Variants in SAMD4A observed in about 807,000 individuals in gnomAD.
SAMD4A encodes the protein sterile alpha motif domain containing 4A.
In SAMD4A, 33 loss-of-function variants were observed where a neutral mutation model predicts 81.3. That is an observed-to-expected ratio of 0.41 (90% CI 0.31 to 0.54). The LOEUF (loss-of-function observed/expected upper bound fraction) is 0.54, where lower values mean the gene tolerates loss of function less well. SAMD4A is among the 20% of genes least tolerant of loss of function. The pLI is 0.37. For synonymous variants in SAMD4A, 389 were observed against 382.1 expected, an observed-to-expected ratio of 1.02 and a Z score of -0.21; for missense variants, 854 against 951.1, an observed-to-expected ratio of 0.90 and a Z score of 1.34.
intron 2 of SAMD4A, among the ~76,000 whole-genome samples, chr14:54,689,431 C>T (rs551532257): frequency 1.3e-5 from 2 of 152,222 alleles, no homozygotes; most frequent in South Asian, 2.1e-4. Context: ...TGGTCCCATG[C>T]TTTACAAAGA....
At chr14:54,780,080 A>T (rs1188031174) in intron 11 of SAMD4A, among the ~76,000 whole-genome samples, 1 of 152,188 alleles carries the variant, frequency 6.6e-6, no homozygotes, top group Non-Finnish European at 1.5e-5. Context: ...GTAGGAGATC[A>T]TGGAGGTTCT....
chr14:54,718,691 C>G (rs1286884826), intron 3 of SAMD4A, among the ~76,000 whole-genome samples: 1 of 152,056 alleles, frequency 6.6e-6, no homozygotes. Flanking sequence ...GAAGCATGTC[C>G]TGGAGAGTTC....
Position 54,764,476 on chromosome 14 carries a change from C to T in SAMD4A, c.1532C>T (p.Ser511Phe), listed in dbSNP as rs2038485194. 2.5e-6 allele frequency: 4 copies of T among 1,611,700 alleles called. No homozygotes were observed. Among genetic ancestry groups the T allele is most frequent in the Non-Finnish European group, 3.4e-6 (4 of 1,178,414 alleles). The change falls in exon 8 of 13, where the codon TCC (serine) becomes TTC (phenylalanine). Residue 511 changes from serine to phenylalanine, a missense_variant. Transcript: ENST00000554335. ...MGKVCTQLLV[S>F]RPDEENISSY... ...ACAGTGTGCACACAGCTCTTGGTCT[C>T]CAGACCTGATGAGGAAAATATAAGT...
intron 2 of SAMD4A, among the ~76,000 whole-genome samples, chr14:54,586,604 A>G (rs762424173): frequency 6.6e-6 from 1 of 152,160 alleles, no homozygotes; most frequent in Non-Finnish European, 1.5e-5. Context: ...ATTTTTGTAT[A>G]AGGTGAGAGA....
chr14:54,626,062 G>GCGCA (rs1555337639), intron 2 of SAMD4A, among the ~76,000 whole-genome samples: 1 of 94,894 alleles, frequency 1.1e-5, no homozygotes, highest in Non-Finnish European at 2.3e-5. Flanking sequence ...GTGTGTGTGC[G>GCGCA]CGCGCGCGCG....
chr14:54,695,813 C>T (rs1016591068), intron 2 of SAMD4A, among the ~76,000 whole-genome samples: 5 of 152,030 alleles, frequency 3.3e-5, no homozygotes, highest in Non-Finnish European at 7.4e-5. Context: ...ATTAGCCAGG[C>T]GTGGTGGCGC....
intron 3 of SAMD4A, among the ~76,000 whole-genome samples, chr14:54,733,196 C>G (rs17127840): frequency 0.04 from 6,021 of 152,248 alleles, 199 homozygotes; most frequent in Middle Eastern, 0.11. Context: ...ACTGCTGTAG[C>G]AAGATTACTT....
At chr14:54,750,798 A>G (rs537035778) in intron 5 of SAMD4A, among the ~76,000 whole-genome samples, 4 of 152,352 alleles carry the variant, frequency 2.6e-5, no homozygotes, top group African/African-American at 9.6e-5. Context: ...AAGCCTGGAG[A>G]AAAGGAAGAG....
chr14:54,602,862 C>T (rs2034096984), intron 2 of SAMD4A, among the ~76,000 whole-genome samples: 1 of 152,098 alleles, frequency 6.6e-6, no homozygotes, highest in African/African-American at 2.4e-5. Context: ...GGCTAAATGT[C>T]TGGATCCTTG....
intron 2 of SAMD4A, among the ~76,000 whole-genome samples, chr14:54,692,624 T>C (rs1851006520): frequency 6.6e-6 from 1 of 152,044 alleles, no homozygotes; most frequent in South Asian, 2.1e-4. Flanking sequence ...CACTCTGTGG[T>C]GTGTGGGGTT....
intron 2 of SAMD4A, among the ~76,000 whole-genome samples, chr14:54,655,327 A>G (rs532209689): frequency 2.6e-5 from 4 of 152,196 alleles, no homozygotes; most frequent in Non-Finnish European, 5.9e-5. Flanking sequence ...AATCAGTGCA[A>G]TGGCAGTTGG....
At chr14:54,614,238 CAT>C (rs1229596908) in intron 2 of SAMD4A, among the ~76,000 whole-genome samples, 1 of 152,050 alleles carries the variant, frequency 6.6e-6, no homozygotes, top group East Asian at 1.9e-4. Context: ...TTTCATAAAA[CAT>C]GTAATTTATG....
At chr14:54,628,138 C>T (rs541215471) in intron 2 of SAMD4A, among the ~76,000 whole-genome samples, 51 of 152,136 alleles carry the variant, frequency 3.4e-4, no homozygotes, top group African/African-American at 1.2e-3. Flanking sequence ...AACATGACTC[C>T]TCCCCCACAA....
chr14:54,683,039 C>T (rs2036167210), intron 2 of SAMD4A, among the ~76,000 whole-genome samples: 1 of 152,128 alleles, frequency 6.6e-6, no homozygotes, highest in Non-Finnish European at 1.5e-5. Context: ...CCCAAGGGTA[C>T]CCTGCCTGGG....
intron 9 of SAMD4A, among the ~76,000 whole-genome samples, chr14:54,771,139 A>G (rs17737822): frequency 0.24 from 36,620 of 152,132 alleles, 4,492 homozygotes; most frequent in African/African-American, 0.25. Flanking sequence ...TAAGGGAGAT[A>G]AGGCCAGTTG....
chr14:54,779,814 A>T (rs1397410317), intron 11 of SAMD4A, among the ~76,000 whole-genome samples: 1 of 151,704 alleles, frequency 6.6e-6, no homozygotes, highest in Non-Finnish European at 1.5e-5. Context: ...CAGCCAGGAG[A>T]CCCTTCAGGT....
At chr14:54,710,836 A>G (rs1328037485) in intron 3 of SAMD4A, among the ~76,000 whole-genome samples, 2 of 152,182 alleles carry the variant, frequency 1.3e-5, no homozygotes, top group African/African-American at 4.8e-5. Flanking sequence ...TAGGGGTTGT[A>G]TCTTCTTTAT....
At chr14:54,651,640 G>T (rs1346900176) in intron 2 of SAMD4A, among the ~76,000 whole-genome samples, 1 of 152,118 alleles carries the variant, frequency 6.6e-6, no homozygotes, top group Non-Finnish European at 1.5e-5. Flanking sequence ...TCTTTTGAAT[G>T]ATTAATATTT....
intron 2 of SAMD4A, among the ~76,000 whole-genome samples, chr14:54,664,202 G>T (rs375002989): frequency 3.3e-5 from 5 of 152,022 alleles, no homozygotes; most frequent in African/African-American, 9.7e-5. Context: ...TTTAAAGAAA[G>T]AGAACCTGAA....
Sources: gnomAD v4.1 joint callset for allele counts (sites outside exome capture counted in the v4.1 genomes callset) on GRCh38, gnomAD v4.1.1 for gene constraint, MANE v1.5 for transcripts, NCBI Gene and HGNC (gene_info 2026-07-23, HGNC 2026-07-21) for gene names.